Variants in TBC1D30 observed in about 807,000 individuals in gnomAD.
The protein encoded by TBC1D30 is TBC1 domain family member 30.
A neutral mutation model predicts 63.2 loss-of-function variants in TBC1D30; 31 were observed. The observed-to-expected ratio is 0.49, with a 90% CI of 0.37 to 0.66. The LOEUF is 0.66. TBC1D30 is among the 30% of genes least tolerant of loss of function. The pLI, the probability that TBC1D30 is intolerant of heterozygous loss-of-function variation, is 0.00. For synonymous variants in TBC1D30, 307 were observed against 361.5 expected, an observed-to-expected ratio of 0.85 and a Z score of 1.71; for missense variants, 810 against 953.6, an observed-to-expected ratio of 0.85 and a Z score of 1.98.
At position 64,818,435 on chromosome 12, in the gene TBC1D30, A is replaced by G. The variant is rs1358900420; in HGVS notation, c.644-9400A>G. ...TGTCACTACTCACTCAGTAAACTGTAAACTATTTTTTTTTTTTTAGACAGT... is the reference window on the plus strand; with the variant it reads ...TGTCACTACTCACTCAGTAAACTGTGAACTATTTTTTTTTTTTTAGACAGT... On this transcript the variant is annotated intron_variant, in intron 2 of 12. Transcript: ENST00000542120. The G allele has an allele frequency of 7.1e-6, 7 of 982,702 alleles. No individual in the cohort carries two copies. In the East Asian group the frequency reaches 6.8e-4, roughly 96 times the overall value. 60.9% of individuals were successfully genotyped at this position (982,702 alleles called of 1,614,324 possible).
chr12:64,760,489 G>A (rs1435047668), intron 1 of TBC1D30, among the ~76,000 whole-genome samples: 2 of 152,036 alleles, frequency 1.3e-5, no homozygotes, highest in Non-Finnish European at 2.9e-5. Context: ...CTTGAACCCG[G>A]GAGGCGGAGC....
intron 2 of TBC1D30, among the ~76,000 whole-genome samples, chr12:64,804,300 G>A (rs755085589): frequency 6.6e-6 from 1 of 152,088 alleles, no homozygotes; most frequent in Non-Finnish European, 1.5e-5. Context: ...GTCTGTTATT[G>A]GTGTAGAGGA....
intron 10 of TBC1D30, among the ~76,000 whole-genome samples, chr12:64,870,187 G>A (rs752090542): frequency 1.1e-4 from 16 of 152,196 alleles, no homozygotes; most frequent in Admixed American, 2.6e-4. Context: ...TTTAATGACT[G>A]TCTAAACTCT....
chr12:64,825,433 C>A, intron 1 of TBC1D30: 1 of 185,484 alleles, frequency 5.4e-6, no homozygotes, highest in Non-Finnish European at 1.1e-5. Context: ...CGGAGAGTGG[C>A]ACAGGTTTGA....
At chr12:64,861,842 A>G (rs1231582611) in intron 8 of TBC1D30, among the ~76,000 whole-genome samples, 1 of 152,160 alleles carries the variant, frequency 6.6e-6, no homozygotes, top group Non-Finnish European at 1.5e-5. Flanking sequence ...GGGAGATCTT[A>G]TGTACTGAGA....
chr12:64,809,312 A>G (rs2136327464), intron 2 of TBC1D30, among the ~76,000 whole-genome samples: 1 of 149,576 alleles, frequency 6.7e-6, no homozygotes, highest in South Asian at 2.2e-4. Context: ...TTGTGTCCTC[A>G]TAGCTTAGCT....
chr12:64,869,612 CTA>C (rs1878496571), intron 10 of TBC1D30, among the ~76,000 whole-genome samples: 1 of 151,890 alleles, frequency 6.6e-6, no homozygotes. Flanking sequence ...TAGCCTGGGT[CTA>C]TGTTTCATTT....
At chr12:64,807,918 G>GTTTTT (rs774145443) in intron 2 of TBC1D30, among the ~76,000 whole-genome samples, 1,273 of 93,452 alleles carry the variant, frequency 0.014, 190 homozygotes, top group African/African-American at 0.066. Context: ...CCTAATTTAA[G>GTTTTT]TTTTTTTTTT....
intron 2 of TBC1D30, among the ~76,000 whole-genome samples, chr12:64,799,089 G>T (rs1217918273): frequency 1.3e-5 from 2 of 151,884 alleles, no homozygotes; most frequent in African/African-American, 4.8e-5. Context: ...CTGGGATCAG[G>T]CACCTTTCTT....
At chr12:64,832,488 C>T (rs1874958132) in intron 5 of TBC1D30, among the ~76,000 whole-genome samples, 184 bp downstream of exon 5, 2 of 152,200 alleles carry the variant, frequency 1.3e-5, no homozygotes, top group South Asian at 4.1e-4. Flanking sequence ...TAGCTGCCAA[C>T]TATGAGGCAA....
chr12:64,878,371 C>T lies in TBC1D30; in HGVS notation c.*2583C>T, dbSNP rs1478655857. On this transcript the variant is annotated 3_prime_UTR_variant, in exon 12 of 12. Coordinates refer to ENST00000539867, the MANE Select transcript of TBC1D30 (RefSeq NM_015279.2). The stretch of plus-strand genomic sequence containing the variant: ...TGTATTGGACACTGTATGCAAACAC[C>T]AGAAGTACTTAACAAGTAGTGGTTT... The T allele has an allele frequency of 4.4e-6, 2 of 453,232 alleles. No individual in the cohort carries two copies. The highest frequency in any genetic ancestry group is 4.0e-5 in the African/African-American group (2 of 49,880). 28.1% of individuals were successfully genotyped at this position (453,232 alleles called of 1,614,324 possible).
At chr12:64,856,173 TG>T (rs1877283994) in intron 8 of TBC1D30, among the ~76,000 whole-genome samples, 1 of 121,434 alleles carries the variant, frequency 8.2e-6, no homozygotes, top group Admixed American at 8.8e-5. Context: ...ATGGGGGGGG[TG>T]GGGGCGGTGC....
At chr12:64,785,960 G>A (rs1415317973) in exon 2 of TBC1D30, 2 of 1,289,740 alleles carry the variant, frequency 1.6e-6, no homozygotes, top group African/African-American at 3.0e-5. Context: ...TTCGGCATCT[G>A]AAGCAGAAAG....
rs1040721791 is a variant in TBC1D30 at position 64,794,446 on chromosome 12, CT to C, written c.643+8411del. Among the ~76,000 whole-genome samples the C allele has an allele frequency of 1.4e-4, 20 of 148,104 alleles. No individual in the cohort carries two copies. The East Asian group carries it at 1.4e-3, about 10-fold the overall frequency. ...ATAGACAAGTTCTGTAATGTTCTTT[CT>C]TTTTTTTTTGAGACAGGGTCTCGTC... On this transcript the variant is annotated intron_variant, in intron 2 of 12. Coordinates refer to the TBC1D30 transcript ENST00000542120.
chr12:64,846,327 G>T (rs930791162), intron 8 of TBC1D30, among the ~76,000 whole-genome samples: 4 of 151,956 alleles, frequency 2.6e-5, no homozygotes, highest in Non-Finnish European at 5.9e-5. Context: ...TAGTTTCATA[G>T]TTTGAGGTCT....
chr12:64,775,100 A>ATATAT (rs1295401609), intron 1 of TBC1D30, among the ~76,000 whole-genome samples: 2 of 145,184 alleles, frequency 1.4e-5, no homozygotes, highest in Non-Finnish European at 3.0e-5. Flanking sequence ...CTCAAAAAAA[A>ATATAT]AAAAATATAT....
At chr12:64,866,096 T>C (rs1330902501) in intron 9 of TBC1D30, among the ~76,000 whole-genome samples, 2 of 152,150 alleles carry the variant, frequency 1.3e-5, no homozygotes, top group Non-Finnish European at 2.9e-5. Flanking sequence ...TCTTGAACTC[T>C]TGGGCTCAAG....
chr12:64,821,646 A>G (rs1289400042), upstream of TBC1D30, among the ~76,000 whole-genome samples: 1 of 152,190 alleles, frequency 6.6e-6, no homozygotes, highest in African/African-American at 2.4e-5. Flanking sequence ...TGTGCCCTCT[A>G]AAAAACTGGT....
intron 4 of TBC1D30, 111 bp downstream of exon 4, chr12:64,830,613 G>A (rs969424373): frequency 9.7e-7 from 1 of 1,035,928 alleles, no homozygotes; most frequent in Non-Finnish European, 1.3e-6. Flanking sequence ...TTGAATGTCT[G>A]TATATTTTCT....
Sources: allele counts gnomAD v4.1 joint callset (sites outside exome capture counted in the v4.1 genomes callset), GRCh38; gene constraint gnomAD v4.1.1; transcripts MANE v1.5; gene names NCBI Gene and HGNC (gene_info 2026-07-23, HGNC 2026-07-21).